PTPRCAP: variants seen among roughly 807,000 people sequenced by gnomAD.
PTPRCAP encodes protein tyrosine phosphatase receptor type C-associated protein.
For synonymous variants in PTPRCAP, 136 were observed against 135.8 expected (o/e 1.00, Z -0.01); for missense variants, 294 against 285.5 (o/e 1.03, Z -0.22).
At position 67,436,161 on chromosome 11, in the gene PTPRCAP, A is replaced by G. The variant is rs1290373159; in HGVS notation, c.193T>C (p.Tyr65His). 2.6e-6 allele frequency: 4 copies of G among 1,565,402 alleles called. No individual in the cohort carries two copies. The Admixed American group carries it at 5.7e-5, about 22-fold the overall frequency. ...GCGGCACCTAGGCGGGCCGGGTGGT[A>G]GTAGCCCCCTGAGTCACGGCTGAGG... ...RRLSRDSGGY[Y>H]HPARLGAALW... Residue 65 changes from tyrosine to histidine, a missense_variant, in exon 2 of 2, where the codon TAC (tyrosine) becomes CAC (histidine). By Grantham distance (83) the Tyr-to-His change is moderately conservative. Coordinates refer to ENST00000326294, the MANE Select transcript of PTPRCAP (RefSeq NM_005608.3).
intron 1 of PTPRCAP, 162 bp from the exon 2 acceptor site, chr11:67,436,512 G>A: frequency 1.2e-6 from 1 of 802,274 alleles, no homozygotes; most frequent in South Asian, 2.3e-5. Context: ...ACCAGGCTCT[G>A]GCCCTGTGAG....
chr11:67,437,459 C>T, intron 1 of PTPRCAP, 158 bp downstream of exon 1: 2 of 874,992 alleles, frequency 2.3e-6, no homozygotes, highest in Non-Finnish European at 3.2e-6. Context: ...GAGCCCAGCT[C>T]AGGTGAGAGA....
chr11:67,437,447 G>C (rs1444240547), intron 1 of PTPRCAP, 170 bp downstream of exon 1: 3 of 761,034 alleles, frequency 3.9e-6, no homozygotes, highest in Non-Finnish European at 5.6e-6. Flanking sequence ...TGGAGTCCCA[G>C]GGAGCCCAGC....
At chr11:67,436,570 A>G (rs1166153483) in intron 1 of PTPRCAP, 4 of 460,652 alleles carry the variant, frequency 8.7e-6, no homozygotes, top group Non-Finnish European at 1.5e-5. Context: ...ACCTCCCCCA[A>G]CAGCTGCATT....
chr11:67,436,515 C>T lies in PTPRCAP; in HGVS notation c.4-165G>A, dbSNP rs1006984046. On this transcript the variant is annotated intron_variant, in intron 1 of 1. Coordinates refer to ENST00000326294, the MANE Select transcript of PTPRCAP (RefSeq NM_005608.3). ...CTTATTTGGTCAACCAGGCTCTGGC[C>T]CTGTGAGATCAGCCCCCATCCCTCC... is the stretch of plus-strand genomic sequence containing the variant. 7.5e-5 allele frequency: 58 copies of T among 772,228 alleles called. 1 individual carries two copies. The highest frequency in any genetic ancestry group is 1.4e-4 in the Admixed American group (4 of 27,928). The allele number at this position is 772,228 out of a possible 1,614,324, so 47.8% of individuals were successfully genotyped here. A position where few individuals can be genotyped will look rare whatever the true frequency, so the allele number is the denominator to read the frequency against.
Position 67,435,822 on chromosome 11 carries a change from T to C in PTPRCAP, c.532A>G (p.Ser178Gly). The change falls in exon 2 of 2, where the codon AGT becomes GGT. Residue 178 changes from serine to glycine, a missense_variant. Ser to Gly is a moderately conservative substitution (Grantham distance 56). Coordinates refer to ENST00000326294, the MANE Select transcript of PTPRCAP (RefSeq NM_005608.3). ...CTGCCAGCAAAGGCGTGCAGGTCACTCAGCAGGGCCTCAGCACTGCCCCCT... is the reference window on the plus strand; with the variant it reads ...CTGCCAGCAAAGGCGTGCAGGTCACCCAGCAGGGCCTCAGCACTGCCCCCT... Reference protein sequence around the residue: ...SAGGSAEALLSDLHAFAGSAA... With the variant: ...SAGGSAEALLGDLHAFAGSAA... 6.2e-7 allele frequency: 1 copy of C among 1,604,798 alleles called. No homozygotes were observed. Among genetic ancestry groups the C allele is most frequent in the Non-Finnish European group, 8.5e-7 (1 of 1,176,856 alleles).
chr11:67,437,514 C>CTGGGGCCAATGTGGGGCCCTCCT lies in PTPRCAP; in HGVS notation c.3+80_3+102dup, dbSNP rs1176273103. 2.4e-6 allele frequency: 3 copies of CTGGGGCCAATGTGGGGCCCTCCT among 1,267,542 alleles called. No homozygotes were observed. The Admixed American group carries it at 9.2e-5, about 39-fold the overall frequency. 78.5% of individuals were successfully genotyped at this position (1,267,542 alleles called of 1,614,324 possible). On this transcript the variant is annotated intron_variant, in intron 1 of 1. Coordinates refer to ENST00000326294, the MANE Select transcript of PTPRCAP (RefSeq NM_005608.3). ...ACTCCTCTTAGGTCTCACCTCTTCC[C>CTGGGGCCAATGTGGGGCCCTCCT]TGGGGCCAATGTGGGGCCCTCCTTA...
intron 1 of PTPRCAP, chr11:67,436,996 AGGGCTGGCTC>A (rs1479400223): frequency 6.6e-6 from 1 of 152,464 alleles, no homozygotes; most frequent in Non-Finnish European, 1.5e-5. Flanking sequence ...AGCTGGTGTC[AGGGCTGGCTC>A]TCCCTGAGGC....
rs529279708 is a variant in PTPRCAP, at chr11:67,435,821, C to T, written c.533G>A (p.Ser178Asn). 1 of 1,604,744 alleles carries T rather than the reference C, an allele frequency of 6.2e-7. No homozygotes were observed. The highest frequency in any genetic ancestry group is 1.1e-5 in the South Asian group (1 of 90,818). ...SAGGSAEALL[S>N]DLHAFAGSAA... ...GCTGCCAGCAAAGGCGTGCAGGTCA[C>T]TCAGCAGGGCCTCAGCACTGCCCCC... Residue 178 changes from serine (S) to asparagine (N), a missense_variant, in exon 2 of 2, where the codon AGT becomes AAT. Coordinates refer to ENST00000326294, the MANE Select transcript of PTPRCAP (RefSeq NM_005608.3).
In PTPRCAP at chr11:67,435,694, T is replaced by C; in HGVS notation, c.*39A>G. 1 of 1,491,514 alleles carries C rather than the reference T, an allele frequency of 6.7e-7. No individual in the cohort carries two copies. The highest frequency in any genetic ancestry group is 8.9e-7 in the Non-Finnish European group (1 of 1,126,626). The allele number at this position is 1,491,514 out of a possible 1,614,324, so 92.4% of individuals were successfully genotyped here. ...TCTTGGGAAGCAGAGGCACGGGGAG[T>C]GAGCGGCTGTGACAGGGATGGGACA... is the stretch of plus-strand genomic sequence containing the variant. On this transcript the variant is annotated 3_prime_UTR_variant, in exon 2 of 2. Coordinates refer to ENST00000326294, the MANE Select transcript of PTPRCAP (RefSeq NM_005608.3).
chr11:67,436,176 C>T lies in PTPRCAP; in HGVS notation c.178G>A (p.Asp60Asn). 1.9e-6 allele frequency: 3 copies of T among 1,560,258 alleles called. No individual in the cohort carries two copies. Among genetic ancestry groups the T allele is most frequent in the Non-Finnish European group, 2.6e-6 (3 of 1,153,340 alleles). The change falls in exon 2 of 2, where the codon GAC becomes AAC. Residue 60 changes from aspartate to asparagine, a missense_variant. Physicochemically the swap from Asp to Asn is conservative, Grantham distance 23. Transcript: ENST00000326294. ...LALAWRRLSRDSGGYYHPARL... is the reference protein window; with the variant it reads ...LALAWRRLSRNSGGYYHPARL... ...GCCGGGTGGTAGTAGCCCCCTGAGTCACGGCTGAGGCGGCGCCAGGCCAGT... is the reference window on the plus strand; with the variant it reads ...GCCGGGTGGTAGTAGCCCCCTGAGTTACGGCTGAGGCGGCGCCAGGCCAGT...
Position 67,435,650 on chromosome 11 carries a change from G to C in PTPRCAP, c.*83C>G, listed in dbSNP as rs1377741943. On this transcript the variant is annotated 3_prime_UTR_variant, in exon 2 of 2. Coordinates refer to ENST00000326294, the MANE Select transcript of PTPRCAP (RefSeq NM_005608.3). The stretch of plus-strand genomic sequence containing the variant: ...TGAGGCATGGTCATGTGGGCTGGGG[G>C]TCCAGTCCAGCCATGGCATCTTGGG... 5 of 1,481,884 alleles carry C rather than the reference G, an allele frequency of 3.4e-6. No homozygotes were observed. The East Asian group carries it at 1.2e-4, about 34-fold the overall frequency. The allele number at this position is 1,481,884 out of a possible 1,614,324, so 91.8% of individuals were successfully genotyped here. A position where few individuals can be genotyped will look rare whatever the true frequency, so the allele number is the denominator to read the frequency against.
chr11:67,435,978 C>T lies in PTPRCAP; in HGVS notation c.376G>A (p.Asp126Asn), dbSNP rs887477933. 1 of 1,613,736 alleles carries T rather than the reference C, an allele frequency of 6.2e-7. No individual in the cohort carries two copies. Among genetic ancestry groups the T allele is most frequent in the Non-Finnish European group, 8.5e-7 (1 of 1,179,932 alleles). Residue 126 changes from aspartate (D) to asparagine (N), a missense_variant, in exon 2 of 2, where the codon GAC becomes AAC. By Grantham distance (23) the Asp-to-Asn change is conservative. Transcript: ENST00000326294. ...CATTGCTGCTCGCCTTCCCCAGGGTCAGCCTGCAGGCCACCATCCGCGACG... is the reference window on the plus strand; with the variant it reads ...CATTGCTGCTCGCCTTCCCCAGGGTTAGCCTGCAGGCCACCATCCGCGACG... ...DHVADGGLQA[D>N]PGEGEQQCGE...
chr11:67,437,329 G>T, intron 1 of PTPRCAP: 1 of 359,522 alleles, frequency 2.8e-6, no homozygotes. Context: ...CAGGCTGTCC[G>T]CCCAGGCTCC....
At chr11:67,437,522 A>C in intron 1 of PTPRCAP, 95 bp downstream of exon 1, 8 of 1,282,930 alleles carry the variant, frequency 6.2e-6, no homozygotes, top group Non-Finnish European at 8.1e-6. Flanking sequence ...CCCTGGGGCC[A>C]ATGTGGGGCC....
chr11:67,436,552 T>TACCACTCACCTCCCC (rs1864285286), intron 1 of PTPRCAP: 2 of 519,992 alleles, frequency 3.8e-6, no homozygotes, highest in South Asian at 8.8e-5. Context: ...GCCTCCTCCC[T>TACCACTCACCTCCCC]ACCACTCACC....
At chr11:67,436,544 C>T in intron 1 of PTPRCAP, 194 bp from the exon 2 acceptor site, 1 of 566,700 alleles carries the variant, frequency 1.8e-6, no homozygotes, top group Non-Finnish European at 2.8e-6. Context: ...TCCCTCCAGC[C>T]TCCTCCCTAC....
Position 67,435,940 on chromosome 11 carries a change from G to A in PTPRCAP, c.414C>T (p.Ser138=), listed in dbSNP as rs755599729. Residue 138 remains serine (S), a synonymous_variant, in exon 2 of 2, where the codon TCC becomes TCT. Coordinates refer to ENST00000326294, the MANE Select transcript of PTPRCAP (RefSeq NM_005608.3). ...CCCGCACGGGGACCTGCTCTGGGCT[G>A]GACGCCTCTCCACATTGCTGCTCGC... The part of the protein sequence containing the change: ...GEGEQQCGEA[S]SPEQVPVRAE... 5 of 1,613,334 alleles carry A rather than the reference G, an allele frequency of 3.1e-6. No homozygotes were observed. The highest frequency in any genetic ancestry group is 1.7e-5 in the Admixed American group (1 of 59,988).
chr11:67,435,666 G>A lies in PTPRCAP; in HGVS notation c.*67C>T. Reference sequence around the variant, plus strand: ...GGGCTGGGGGTCCAGTCCAGCCATGGCATCTTGGGAAGCAGAGGCACGGGG... The same window carrying A: ...GGGCTGGGGGTCCAGTCCAGCCATGACATCTTGGGAAGCAGAGGCACGGGG... On this transcript the variant is annotated 3_prime_UTR_variant, in exon 2 of 2. Transcript: ENST00000326294. The A allele has an allele frequency of 1.3e-6, 2 of 1,493,130 alleles. No individual in the cohort carries two copies. Among genetic ancestry groups the A allele is most frequent in the East Asian group, 2.3e-5 (1 of 43,346 alleles). 92.5% of individuals were successfully genotyped at this position (1,493,130 alleles called of 1,614,324 possible). A position where few individuals can be genotyped will look rare whatever the true frequency, so the allele number is the denominator to read the frequency against.
Sources: gnomAD v4.1 joint callset for allele counts on GRCh38, gnomAD v4.1.1 for gene constraint, MANE v1.5 for transcripts, NCBI Gene and HGNC (gene_info 2026-07-23, HGNC 2026-07-21) for gene names.